MAP4K5: variants seen among roughly 807,000 people sequenced by gnomAD.
The protein encoded by MAP4K5 is MAPK/ERK kinase kinase kinase 5.
A neutral mutation model predicts 135.6 loss-of-function variants in MAP4K5; 82 were observed. That is an observed-to-expected ratio of 0.60 (90% CI 0.51 to 0.73). MAP4K5 has a LOEUF of 0.73. MAP4K5 is among the 30% of genes least tolerant of loss of function. MAP4K5 has a pLI of 0.00. For synonymous variants in MAP4K5, 347 were observed against 335.0 expected (o/e 1.04, Z -0.39); for missense variants, 907 against 1,010.9 (o/e 0.90, Z 1.39).
intron 3 of MAP4K5, among the ~76,000 whole-genome samples, chr14:50,498,651 C>A (rs1048204825): frequency 6.6e-6 from 1 of 152,142 alleles, no homozygotes. Flanking sequence ...TCAGTAAATA[C>A]AATTTAGGAC....
chr14:50,443,658 T>C (rs1276798609), intron 20 of MAP4K5, 71 bp downstream of exon 20: 1 of 1,286,008 alleles, frequency 7.8e-7, no homozygotes, highest in Non-Finnish European at 1.1e-6. Context: ...TCAAGTATAT[T>C]GATAGCCAAT....
chr14:50,465,768 T>A (rs1419218013), intron 11 of MAP4K5, among the ~76,000 whole-genome samples: 1 of 151,980 alleles, frequency 6.6e-6, no homozygotes, highest in Non-Finnish European at 1.5e-5. Flanking sequence ...TTGAGTTTTA[T>A]GAGAACACTG....
At chr14:50,524,555 G>A (rs910543822) in intron 2 of MAP4K5, among the ~76,000 whole-genome samples, 4 of 151,908 alleles carry the variant, frequency 2.6e-5, no homozygotes, top group Admixed American at 1.3e-4. Flanking sequence ...AATGTACATG[G>A]AGCTTTGAAA....
intron 14 of MAP4K5, chr14:50,449,217 T>C (rs1194105206): frequency 6.2e-6 from 1 of 162,256 alleles, no homozygotes; most frequent in Non-Finnish European, 1.3e-5. Context: ...TAAGAAAAAC[T>C]ACCTAAAAAT....
At chr14:50,514,370 A>G (rs1488887080) in intron 2 of MAP4K5, among the ~76,000 whole-genome samples, 3 of 152,210 alleles carry the variant, frequency 2.0e-5, no homozygotes, top group Non-Finnish European at 4.4e-5. Flanking sequence ...GGCGTGAGCC[A>G]CTAGTCCCGG....
chr14:50,480,282 A>T (rs2037208182), intron 6 of MAP4K5, among the ~76,000 whole-genome samples: 1 of 151,992 alleles, frequency 6.6e-6, no homozygotes, highest in African/African-American at 2.4e-5. Context: ...CCCCTCAAGC[A>T]TTTATCCTTT....
At chr14:50,480,655 C>T (rs2037218583) in intron 6 of MAP4K5, among the ~76,000 whole-genome samples, 1 of 152,138 alleles carries the variant, frequency 6.6e-6, no homozygotes, top group Non-Finnish European at 1.5e-5. Flanking sequence ...CTCATGCTCA[C>T]ATAACAATAG....
intron 2 of MAP4K5, among the ~76,000 whole-genome samples, chr14:50,514,227 C>T (rs2037986400): frequency 7.2e-6 from 1 of 138,670 alleles, no homozygotes; most frequent in Admixed American, 7.9e-5. Flanking sequence ...AAGGCAGGCA[C>T]CACCAGGCCT....
chr14:50,514,966 T>C (rs2038004416), intron 2 of MAP4K5, among the ~76,000 whole-genome samples: 1 of 151,454 alleles, frequency 6.6e-6, no homozygotes, highest in South Asian at 2.1e-4. Flanking sequence ...TACAGTGGCG[T>C]AATCTTGGCT....
chr14:50,418,577 A>T lies in MAP4K5; in HGVS notation c.*1442T>A, dbSNP rs2035655226. On this transcript the variant is annotated 3_prime_UTR_variant, in exon 33 of 33. Transcript: ENST00000682126. The stretch of plus-strand genomic sequence containing the variant: ...ATTGCATAGTGAAAAGAACAGAGTC[A>T]GAAGACTCATGGTCAGGCTCAACTA... 1 of 152,700 alleles carries T rather than the reference A, an allele frequency of 6.5e-6. No individual in the cohort carries two copies. Among genetic ancestry groups the T allele is most frequent in the Non-Finnish European group, 1.5e-5 (1 of 68,052 alleles). The allele number at this position is 152,700 out of a possible 1,614,324, so 9.5% of individuals were successfully genotyped here.
intron 3 of MAP4K5, among the ~76,000 whole-genome samples, chr14:50,501,937 G>C (rs988036327): frequency 5.9e-5 from 9 of 152,024 alleles, no homozygotes; most frequent in Admixed American, 5.9e-4. Flanking sequence ...AACAGAGCTT[G>C]GCGTATATTA....
intron 1 of MAP4K5, among the ~76,000 whole-genome samples, chr14:50,552,752 A>G (rs902058723): frequency 2.0e-5 from 3 of 152,352 alleles, no homozygotes; most frequent in Middle Eastern, 3.4e-3. Flanking sequence ...AAACAAAAAC[A>G]TAAAGTGGGG....
chr14:50,533,410 G>A (rs1380493372), upstream of MAP4K5: 1 of 152,126 alleles, frequency 6.6e-6, no homozygotes, highest in Non-Finnish European at 1.5e-5. Context: ...TTTATAAAGC[G>A]TTTTACAGGA....
At chr14:50,507,312 T>C (rs1005740296) in intron 2 of MAP4K5, among the ~76,000 whole-genome samples, 1 of 152,202 alleles carries the variant, frequency 6.6e-6, no homozygotes, top group Admixed American at 6.5e-5. Flanking sequence ...GCTCCTGGAT[T>C]CACTGATTTT....
At position 50,442,777 on chromosome 14, in the gene MAP4K5, A is replaced by G; in HGVS notation, c.1519T>C (p.Leu507=). 6.3e-7 allele frequency: 1 copy of G among 1,598,588 alleles called. No individual in the cohort carries two copies. The highest frequency in any genetic ancestry group is 8.5e-7 in the Non-Finnish European group (1 of 1,173,292). The change falls in exon 21 of 33, where the codon TTG becomes CTG. Residue 507 remains leucine (L), a synonymous_variant. Transcript: ENST00000682126. ...CAGGATGTTGCACAATTAATTTTCA[A>G]AGGACAGCCATCAAAAACTTTTGAA... ...CFSKVFDGCP[L]KINCATSWIH...
intron 1 of MAP4K5, among the ~76,000 whole-genome samples, chr14:50,545,335 A>G (rs560334518): frequency 2.8e-4 from 42 of 152,306 alleles, no homozygotes; most frequent in Middle Eastern, 6.8e-3. Flanking sequence ...TTGGGAGACC[A>G]TTATTCTATA....
chr14:50,460,857 T>C (rs1336153203), intron 13 of MAP4K5, among the ~76,000 whole-genome samples: 1 of 151,838 alleles, frequency 6.6e-6, no homozygotes, highest in Non-Finnish European at 1.5e-5. Context: ...TTCCATTTCC[T>C]ATTGGCCATA....
intron 2 of MAP4K5, among the ~76,000 whole-genome samples, chr14:50,530,309 G>A (rs898818639): frequency 4.6e-5 from 7 of 152,088 alleles, no homozygotes; most frequent in African/African-American, 7.2e-5. Flanking sequence ...TTTTTCTCAG[G>A]CATGAATAAA....
chr14:50,522,977 A>C (rs1362722687), intron 2 of MAP4K5, among the ~76,000 whole-genome samples: 1 of 152,232 alleles, frequency 6.6e-6, no homozygotes, highest in African/African-American at 2.4e-5. Flanking sequence ...AAAAAATAAC[A>C]TAAGACTTGG....
Sources: allele counts gnomAD v4.1 joint callset (sites outside exome capture counted in the v4.1 genomes callset), GRCh38; gene constraint gnomAD v4.1.1; transcripts MANE v1.5; gene names NCBI Gene and HGNC (gene_info 2026-07-23, HGNC 2026-07-21).